Variants in XIRP2 observed in about 807,000 individuals in gnomAD.
The protein encoded by XIRP2 is xin actin-binding repeat-containing protein 2.
Under a neutral mutation model 277.0 loss-of-function variants are expected in XIRP2, and 236 were observed. The observed-to-expected ratio is 0.85, with a 90% CI of 0.77 to 0.95. The LOEUF (loss-of-function observed/expected upper bound fraction) is 0.95, where lower values mean the gene tolerates loss of function less well. Ranked by LOEUF, XIRP2 falls within the 40% of genes least tolerant of loss-of-function variation. The pLI is 0.00. For synonymous variants in XIRP2, 1,490 were observed against 1,416.5 expected, an observed-to-expected ratio of 1.05 and a Z score of -1.17; for missense variants, 4,640 against 4,157.5, an observed-to-expected ratio of 1.12 and a Z score of -3.19.
At chr2:166,973,346 CT>C (rs1686626375) in intron 2 of XIRP2, among the ~76,000 whole-genome samples, 2 of 152,170 alleles carry the variant, frequency 1.3e-5, no homozygotes, top group African/African-American at 4.8e-5. Context: ...CTAGTAAGAG[CT>C]TCTGTCATTA....
At chr2:166,994,471 G>A in intron 2 of XIRP2, among the ~76,000 whole-genome samples, 2 of 116,020 alleles carry the variant, frequency 1.7e-5, no homozygotes, top group African/African-American at 6.9e-5. Flanking sequence ...AAAACTTAGA[G>A]TATAATAAAA....
chr2:167,047,630 C>T (rs1688816838), intron 2 of XIRP2, among the ~76,000 whole-genome samples: 1 of 151,848 alleles, frequency 6.6e-6, no homozygotes, highest in Non-Finnish European at 1.5e-5. Flanking sequence ...GAGATCTGTC[C>T]TATTAGACAA....
chr2:166,939,679 C>CAAAAAAAAAAAAAAAAAAAAAA (rs138977006), intron 2 of XIRP2, among the ~76,000 whole-genome samples: 2 of 90,666 alleles, frequency 2.2e-5, no homozygotes, highest in African/African-American at 5.1e-5. Flanking sequence ...GACTCCATCA[C>CAAAAAAAAAAAAAAAAAAAAAA]AAAAAAAAAA....
chr2:167,116,170 G>T (rs184728957), intron 2 of XIRP2, among the ~76,000 whole-genome samples: 88 of 152,198 alleles, frequency 5.8e-4, no homozygotes, highest in African/African-American at 1.8e-3. Context: ...TGGTACTGAT[G>T]ATTTTTTCTA....
intron 2 of XIRP2, among the ~76,000 whole-genome samples, chr2:167,006,917 CTAAAG>C (rs1159241388): frequency 4.6e-5 from 7 of 151,574 alleles, no homozygotes; most frequent in African/African-American, 1.5e-4. Context: ...TCATTTTTCA[CTAAAG>C]TAATCTAGAA....
chr2:167,063,080 C>T (rs1053544853), intron 2 of XIRP2, among the ~76,000 whole-genome samples: 3 of 151,776 alleles, frequency 2.0e-5, no homozygotes, highest in African/African-American at 7.2e-5. Context: ...GCCTTTATTG[C>T]TTTAAATTTC....
intron 2 of XIRP2, among the ~76,000 whole-genome samples, chr2:166,935,771 C>T (rs1458354419): frequency 6.6e-6 from 1 of 152,166 alleles, no homozygotes; most frequent in Non-Finnish European, 1.5e-5. Flanking sequence ...CATAGTATTC[C>T]ATGGTGTATA....
intron 2 of XIRP2, among the ~76,000 whole-genome samples, chr2:167,062,253 G>A (rs1310985308): frequency 2.0e-5 from 3 of 152,252 alleles, no homozygotes; most frequent in Middle Eastern, 3.4e-3. Flanking sequence ...CTACACCAGG[G>A]AAACTGGCAA....
intron 2 of XIRP2, among the ~76,000 whole-genome samples, chr2:167,058,673 G>C (rs1386670292): frequency 1.3e-5 from 2 of 152,146 alleles, no homozygotes; most frequent in Admixed American, 1.3e-4. Flanking sequence ...TTGATTTCAA[G>C]AAGGAGCATT....
chr2:167,119,166 T>G (rs934999219), intron 2 of XIRP2, among the ~76,000 whole-genome samples: 5 of 152,118 alleles, frequency 3.3e-5, no homozygotes, highest in African/African-American at 7.2e-5. Flanking sequence ...TGGTAGTAGA[T>G]GATTATTTCA....
At chr2:167,013,581 T>C (rs1051705544) in intron 2 of XIRP2, among the ~76,000 whole-genome samples, 77 of 151,624 alleles carry the variant, frequency 5.1e-4, no homozygotes, top group African/African-American at 1.7e-3. Flanking sequence ...AGTCCTAAAA[T>C]AATATAAAGA....
Position 167,245,629 on chromosome 2 carries a change from A to T in XIRP2, c.4237A>T (p.Ile1413Leu), listed in dbSNP as rs912876793. 4.1e-5 allele frequency: 66 copies of T among 1,613,534 alleles called. 1 individual carries two copies. The highest frequency in any genetic ancestry group is 5.3e-5 in the Non-Finnish European group (63 of 1,179,730). The part of the protein sequence containing the change: ...SHNIMPSIDH[I>L]QGGNVKTSRQ... ...TAATATTATGCCCAGTATTGACCAT[A>T]TACAAGGTGGCAATGTAAAGACAAG... Residue 1413 changes from isoleucine (I) to leucine (L), a missense_variant, in exon 9 of 11, where the codon ATA becomes TTA. By Grantham distance (5) the Ile-to-Leu change is conservative. Coordinates refer to ENST00000409195, the MANE Select transcript of XIRP2 (RefSeq NM_152381.6).
intron 2 of XIRP2, among the ~76,000 whole-genome samples, chr2:166,937,340 G>T (rs1281108829): frequency 6.6e-6 from 1 of 152,196 alleles, no homozygotes; most frequent in Non-Finnish European, 1.5e-5. Context: ...CATCTATTGA[G>T]ATAATCATGT....
chr2:167,175,761 C>T (rs1198645334), intron 3 of XIRP2, among the ~76,000 whole-genome samples: 2 of 152,196 alleles, frequency 1.3e-5, no homozygotes, highest in African/African-American at 2.4e-5. Flanking sequence ...CCCAGGTGCT[C>T]TGTCCCAGGG....
chr2:167,027,073 C>A (rs1180379149), intron 2 of XIRP2, among the ~76,000 whole-genome samples: 2 of 152,114 alleles, frequency 1.3e-5, no homozygotes, highest in African/African-American at 4.8e-5. Flanking sequence ...TGGGGAAGTT[C>A]TCCTGGATAA....
At chr2:166,938,998 G>A (rs1316261303) in intron 2 of XIRP2, among the ~76,000 whole-genome samples, 2 of 152,064 alleles carry the variant, frequency 1.3e-5, no homozygotes, top group South Asian at 2.1e-4. Flanking sequence ...TGCACATGAG[G>A]TGGGTCTCCT....
At chr2:166,906,838 G>A (rs1684538557) in intron 2 of XIRP2, among the ~76,000 whole-genome samples, 1 of 152,024 alleles carries the variant, frequency 6.6e-6, no homozygotes, top group African/African-American at 2.4e-5. Context: ...GAGTCAGGAG[G>A]ATCCCTTGAT....
In XIRP2 at chr2:167,251,400, G is replaced by C; in HGVS notation, c.10008G>C (p.Trp3336Cys). Reference protein sequence around the residue: ...VNDPENEINRWFREFEHGPVS... With the variant: ...VNDPENEINRCFREFEHGPVS... Reference sequence around the variant, plus strand: ...ACCCTGAAAATGAAATAAACAGATGGTTCAGGGAATTTGAGCATGGCCCAG... The same window carrying C: ...ACCCTGAAAATGAAATAAACAGATGCTTCAGGGAATTTGAGCATGGCCCAG... Residue 3336 changes from tryptophan to cysteine, a missense_variant, in exon 9 of 11, where the codon TGG (tryptophan) becomes TGC (cysteine). Transcript: ENST00000409195. The C allele has an allele frequency of 1.2e-6, 2 of 1,613,598 alleles. No individual in the cohort carries two copies. Among genetic ancestry groups the C allele is most frequent in the Non-Finnish European group, 1.7e-6 (2 of 1,179,666 alleles).
At position 167,233,945 on chromosome 2, in the gene XIRP2, A is replaced by T. The variant is rs539094734; in HGVS notation, c.859-5910A>T. On this transcript the variant is annotated intron_variant, in intron 5 of 10. Transcript: ENST00000409195. ...ATGTCTTTATGTAAGCTGCATTTTT[A>T]GTTTGTCAAATAAATATTGTTATTT... Among the ~76,000 whole-genome samples, 31 of 151,752 alleles carry T rather than the reference A, an allele frequency of 2.0e-4. No individual in the cohort carries two copies. The South Asian group carries it at 5.0e-3, about 24-fold the overall frequency.
Sources: allele counts gnomAD v4.1 joint callset (sites outside exome capture counted in the v4.1 genomes callset), GRCh38; gene constraint gnomAD v4.1.1; transcripts MANE v1.5; gene names NCBI Gene and HGNC (gene_info 2026-07-23, HGNC 2026-07-21).